Variants in SLC4A7 observed in about 807,000 individuals in gnomAD.
SLC4A7 encodes solute carrier family 4 member 7, also known as sodium bicarbonate cotransporter 3.
SLC4A7 carries 51 observed loss-of-function variants against 137.6 expected under a neutral mutation model. That is an observed-to-expected ratio of 0.37 (90% CI 0.30 to 0.47). The LOEUF is 0.47. Among genes scored for constraint, SLC4A7 ranks in the 20% least tolerant of loss-of-function variants. The pLI is 1.00. For missense variants in SLC4A7, 1,247 were observed against 1,525.4 expected (o/e 0.82, Z 3.04); for synonymous variants, 542 against 518.6 (o/e 1.05, Z -0.61).
chr3:27,468,207 G>A (rs1040670043), intron 1 of SLC4A7, among the ~76,000 whole-genome samples: 3 of 152,106 alleles, frequency 2.0e-5, no homozygotes, highest in Non-Finnish European at 2.9e-5. Context: ...GGGATTACAG[G>A]CGTGAGCCAC....
intron 2 of SLC4A7, among the ~76,000 whole-genome samples, chr3:27,450,186 A>C (rs896491544): frequency 3.9e-5 from 6 of 152,138 alleles, no homozygotes; most frequent in Non-Finnish European, 8.8e-5. Context: ...AACTTAACAA[A>C]ACATACTGAA....
At chr3:27,414,600 C>T (rs544112465) in intron 11 of SLC4A7, among the ~76,000 whole-genome samples, 3 of 152,272 alleles carry the variant, frequency 2.0e-5, no homozygotes, top group South Asian at 4.1e-4. Context: ...GTACCCAAAC[C>T]ATAGAAGGAT....
At chr3:27,445,931 CAAAAAAAAAAAAAAAAA>C (rs1164631983) in intron 3 of SLC4A7, among the ~76,000 whole-genome samples, 5 of 58,526 alleles carry the variant, frequency 8.5e-5, no homozygotes, top group Non-Finnish European at 1.1e-4. Context: ...GGCTCAGTCT[CAAAAAAAAAAAAAAAAA>C]AAAAAAAAAA....
chr3:27,457,159 C>A (rs1320332797), intron 1 of SLC4A7, among the ~76,000 whole-genome samples: 5 of 151,830 alleles, frequency 3.3e-5, no homozygotes, highest in Non-Finnish European at 5.9e-5. Flanking sequence ...CTTAAAAATT[C>A]CTGAAGACCG....
intron 7 of SLC4A7, among the ~76,000 whole-genome samples, chr3:27,428,022 T>C (rs750412589): frequency 6.6e-6 from 1 of 152,210 alleles, no homozygotes; most frequent in Non-Finnish European, 1.5e-5. Context: ...GACATGTTCA[T>C]TGTTACTGAT....
chr3:27,428,958 T>C (rs1285823598), intron 7 of SLC4A7, among the ~76,000 whole-genome samples: 11 of 152,172 alleles, frequency 7.2e-5, no homozygotes, highest in Admixed American at 6.6e-4. Flanking sequence ...CAAATTTTCA[T>C]ACTTTATAGC....
Position 27,443,024 on chromosome 3 carries a change from C to CTTTTTTTTTTTTTTTTTTTTTT in SLC4A7, c.290-5499_290-5498insAAAAAAAAAAAAAAAAAAAAAA, listed in dbSNP as rs1156950293. Among the ~76,000 whole-genome samples the CTTTTTTTTTTTTTTTTTTTTTT allele has an allele frequency of 2.9e-5, 3 of 102,142 alleles. 1 individual carries two copies. The allele number at this position is 102,142 out of a possible 152,430, so 67.0% of individuals were successfully genotyped here. On this transcript the variant is annotated intron_variant, in intron 3 of 25. Coordinates refer to ENST00000454389, the MANE Select transcript of SLC4A7 (RefSeq NM_001321103.2). ...CACCGCGCTGGGCATTCTCTTTTTT[C>CTTTTTTTTTTTTTTTTTTTTTT]TTTTTTTCTTTTTTTTTTTTTTTTT...
At chr3:27,430,125 C>A (rs1249770094) in intron 7 of SLC4A7, among the ~76,000 whole-genome samples, 1 of 152,016 alleles carries the variant, frequency 6.6e-6, no homozygotes, top group Non-Finnish European at 1.5e-5. Flanking sequence ...AGGAGGATTG[C>A]TTGATCCCAG....
Position 27,434,078 on chromosome 3 carries a change from A to G in SLC4A7, c.616T>C (p.Ser206Pro). 6.2e-7 allele frequency: 1 copy of G among 1,613,106 alleles called. No homozygotes were observed. The highest frequency in any genetic ancestry group is 8.5e-7 in the Non-Finnish European group (1 of 1,179,600). ...CGTATGGACTCGTCTAATTGGCCAGAAGCTATCATGTTGTCTAATACCATA... is the reference window on the plus strand; with the variant it reads ...CGTATGGACTCGTCTAATTGGCCAGGAGCTATCATGTTGTCTAATACCATA... Reference protein sequence around the residue: ...ADMVLDNMIASGQLDESIREN... With the variant: ...ADMVLDNMIAPGQLDESIREN... Residue 206 changes from serine (S) to proline (P), a missense_variant, in exon 6 of 26, where the codon TCT (serine) becomes CCT (proline). Around this residue, in one of 6 missense-constraint regions of SLC4A7, gnomAD observed 223 missense variants for 203.6 expected, o/e 1.10. Coordinates refer to ENST00000454389, the MANE Select transcript of SLC4A7 (RefSeq NM_001321103.2).
At chr3:27,390,565 T>A (rs1168548404) in intron 21 of SLC4A7, among the ~76,000 whole-genome samples, 1 of 152,196 alleles carries the variant, frequency 6.6e-6, no homozygotes, top group African/African-American at 2.4e-5. Context: ...AATGCCTTCA[T>A]CTTTTTGAGC....
At chr3:27,450,934 G>A (rs947916663) in intron 2 of SLC4A7, among the ~76,000 whole-genome samples, 5 of 151,972 alleles carry the variant, frequency 3.3e-5, no homozygotes, top group Non-Finnish European at 2.9e-5. Context: ...CAAAGGAATC[G>A]AAGGAATATC....
intron 13 of SLC4A7, among the ~76,000 whole-genome samples, chr3:27,405,332 G>A (rs1031257081): frequency 6.6e-6 from 1 of 151,986 alleles, no homozygotes; most frequent in African/African-American, 2.4e-5. Flanking sequence ...TCAACCAGAA[G>A]TATAATCCTA....
At chr3:27,465,533 A>G (rs1417390086) in intron 1 of SLC4A7, among the ~76,000 whole-genome samples, 1 of 151,780 alleles carries the variant, frequency 6.6e-6, no homozygotes, top group African/African-American at 2.4e-5. Context: ...ATTACATTAT[A>G]TAATCAAATT....
intron 1 of SLC4A7, among the ~76,000 whole-genome samples, chr3:27,473,601 G>C (rs530952767): frequency 2.0e-5 from 3 of 151,222 alleles, no homozygotes; most frequent in Admixed American, 6.6e-5. Flanking sequence ...CCAGCTACTC[G>C]GGAGGCTGAG....
chr3:27,413,917 A>C (rs186082669), intron 11 of SLC4A7, among the ~76,000 whole-genome samples: 31 of 147,712 alleles, frequency 2.1e-4, no homozygotes, highest in Non-Finnish European at 2.1e-4. Context: ...GAATAATACT[A>C]TCTCTTACTT....
Position 27,404,835 on chromosome 3 carries a change from G to A in SLC4A7, c.2070C>T (p.Phe690=). The part of the protein sequence containing the change: ...VLVFEKILYK[F]CRDYQLSYLS... ...TAGAGAGGGCTATTACTTACCTGCA[G>A]AATTTATATAAAATTTTTTCAAACA... is the stretch of plus-strand genomic sequence containing the variant. Residue 690 remains phenylalanine, a synonymous_variant, in exon 14 of 26, where the codon TTC becomes TTT. Coordinates refer to ENST00000454389, the MANE Select transcript of SLC4A7 (RefSeq NM_001321103.2). 1 of 1,600,608 alleles carries A rather than the reference G, an allele frequency of 6.2e-7. No homozygotes were observed. Among genetic ancestry groups the A allele is most frequent in the South Asian group, 1.1e-5 (1 of 88,678 alleles).
chr3:27,398,118 T>A, intron 17 of SLC4A7, 74 bp downstream of exon 17: 1 of 1,084,528 alleles, frequency 9.2e-7, no homozygotes, highest in Non-Finnish European at 1.4e-6. Flanking sequence ...TATATTACTG[T>A]TTTGAAATAA....
intron 1 of SLC4A7, among the ~76,000 whole-genome samples, chr3:27,473,645 G>A (rs1469466779): frequency 2.7e-5 from 4 of 149,100 alleles, no homozygotes; most frequent in Non-Finnish European, 5.9e-5. Flanking sequence ...GGGGTGGAGG[G>A]TGTAGTGAGC....
chr3:27,431,160 A>C, intron 7 of SLC4A7, 138 bp downstream of exon 7: 1 of 939,724 alleles, frequency 1.1e-6, no homozygotes, highest in South Asian at 3.3e-5. Context: ...TATCATAAAG[A>C]AAAAAAAACA....
Sources: gnomAD v4.1 joint callset for allele counts (sites outside exome capture counted in the v4.1 genomes callset) on GRCh38, gnomAD v4.1.1 for gene constraint, gnomAD v4.1.1 regional missense constraint, MANE v1.5 for transcripts, NCBI Gene and HGNC (gene_info 2026-07-23, HGNC 2026-07-21) for gene names.